Variants in FGF14 observed in about 807,000 individuals in gnomAD.
FGF14 encodes the protein fibroblast growth factor 14, also known as fibroblast growth factor homologous factor 4.
A neutral mutation model predicts 25.5 loss-of-function variants in FGF14; 5 were observed. The observed-to-expected ratio is 0.20, with a 90% CI of 0.10 to 0.41. The LOEUF is 0.41. Among genes scored for constraint, FGF14 ranks in the 10% least tolerant of loss-of-function variants. FGF14 has a pLI of 1.00. For synonymous variants in FGF14, 138 were observed against 118.3 expected, an observed-to-expected ratio of 1.17 and a Z score of -1.08; for missense variants, 222 against 320.1, an observed-to-expected ratio of 0.69 and a Z score of 2.34.
intron 1 of FGF14, among the ~76,000 whole-genome samples, chr13:101,939,863 G>GA (rs1454925355): frequency 6.6e-6 from 1 of 152,140 alleles, no homozygotes; most frequent in Non-Finnish European, 1.5e-5. Flanking sequence ...GCTTTAGAAA[G>GA]AAATAGCATG....
At chr13:101,799,207 T>C (rs1566916067) in intron 3 of FGF14, among the ~76,000 whole-genome samples, 1 of 152,234 alleles carries the variant, frequency 6.6e-6, no homozygotes, top group South Asian at 2.1e-4. Context: ...AGACTTTTTT[T>C]CTCCCTGTCT....
At chr13:102,110,671 T>A (rs975379710) in intron 1 of FGF14, among the ~76,000 whole-genome samples, 4 of 152,186 alleles carry the variant, frequency 2.6e-5, no homozygotes, top group South Asian at 2.1e-4. Context: ...GATTTCTCAA[T>A]GTCTGTCATA....
At chr13:102,002,968 T>G (rs1014642807) in intron 1 of FGF14, 3 of 152,176 alleles carry the variant, frequency 2.0e-5, no homozygotes, top group African/African-American at 7.2e-5. Context: ...AACCCAACAC[T>G]GCTTCCTGAA....
chr13:102,085,657 C>T (rs1328968934), intron 1 of FGF14, among the ~76,000 whole-genome samples: 1 of 152,140 alleles, frequency 6.6e-6, no homozygotes. Flanking sequence ...GAGTTAATAA[C>T]TTATTTTTAT....
chr13:101,793,630 T>C (rs552951690), intron 3 of FGF14, among the ~76,000 whole-genome samples: 1 of 152,160 alleles, frequency 6.6e-6, no homozygotes, highest in South Asian at 2.1e-4. Context: ...GCAATTCTAT[T>C]TTTAGTTATT....
At chr13:101,882,749 A>G (rs771139792) in intron 1 of FGF14, among the ~76,000 whole-genome samples, 13 of 152,244 alleles carry the variant, frequency 8.5e-5, no homozygotes, top group Middle Eastern at 3.4e-3. Flanking sequence ...GTCTGTTCAT[A>G]TCTAGAACTA....
chr13:101,913,505 T>TA (rs398117834), intron 1 of FGF14, among the ~76,000 whole-genome samples: 5 of 151,944 alleles, frequency 3.3e-5, no homozygotes, highest in Non-Finnish European at 1.5e-5. Flanking sequence ...AAGGATTTTT[T>TA]AAAACCCTAC....
chr13:102,166,680 T>C (rs759566695), intron 1 of FGF14, among the ~76,000 whole-genome samples: 14 of 152,172 alleles, frequency 9.2e-5, no homozygotes, highest in Non-Finnish European at 1.9e-4. Context: ...GGGTTTGATA[T>C]GTTTCATTCA....
At chr13:102,287,348 AC>A (rs55797124) in intron 1 of FGF14, among the ~76,000 whole-genome samples, 15,520 of 152,184 alleles carry the variant, frequency 0.1, 1,020 homozygotes, top group Middle Eastern at 0.2. Context: ...TAGCAAAGCC[AC>A]CTTAGTTTAT....
At chr13:102,131,915 A>G (rs1322777843) in intron 1 of FGF14, among the ~76,000 whole-genome samples, 8 of 152,218 alleles carry the variant, frequency 5.3e-5, no homozygotes. Context: ...AATATTACCA[A>G]CTGTGACTAA....
At chr13:102,161,641 A>C (rs1294262136) in intron 1 of FGF14, among the ~76,000 whole-genome samples, 17 of 14,686 alleles carry the variant, frequency 1.2e-3, no homozygotes, top group East Asian at 0.011. Flanking sequence ...GAAGAAGAAG[A>C]AGAAGAAGAA....
chr13:101,848,775 C>T (rs1413933896), intron 3 of FGF14, among the ~76,000 whole-genome samples: 1 of 151,844 alleles, frequency 6.6e-6, no homozygotes, highest in African/African-American at 2.4e-5. Context: ...ATTACTGACC[C>T]TTGATGAAGG....
At chr13:101,831,340 C>A (rs1424272975) in intron 3 of FGF14, among the ~76,000 whole-genome samples, 1 of 151,936 alleles carries the variant, frequency 6.6e-6, no homozygotes, top group African/African-American at 2.4e-5. Flanking sequence ...CCTTGGCCTC[C>A]CAAAGTGCTG....
At chr13:101,922,377 A>T (rs1025627471) in intron 1 of FGF14, among the ~76,000 whole-genome samples, 2 of 152,154 alleles carry the variant, frequency 1.3e-5, no homozygotes, top group African/African-American at 4.8e-5. Context: ...TGAGTTCTGA[A>T]TTTCAACAGT....
At chr13:101,930,512 AT>A in intron 1 of FGF14, among the ~76,000 whole-genome samples, 1 of 152,184 alleles carries the variant, frequency 6.6e-6, no homozygotes, top group South Asian at 2.1e-4. Context: ...AACATTCCTT[AT>A]GTGGTTACAC....
At chr13:101,848,335 C>T (rs1338306586) in intron 3 of FGF14, among the ~76,000 whole-genome samples, 2 of 151,906 alleles carry the variant, frequency 1.3e-5, no homozygotes, top group South Asian at 2.1e-4. Flanking sequence ...ATCTTATATA[C>T]CATCAGAATT....
At chr13:102,325,454 C>T (rs2056393545) in intron 1 of FGF14, among the ~76,000 whole-genome samples, 1 of 152,110 alleles carries the variant, frequency 6.6e-6, no homozygotes, top group Non-Finnish European at 1.5e-5. Flanking sequence ...TTGGGTCTTA[C>T]CACACCCTCT....
chr13:101,805,093 G>T (rs1226631747), intron 3 of FGF14, among the ~76,000 whole-genome samples: 1 of 152,108 alleles, frequency 6.6e-6, no homozygotes, highest in Non-Finnish European at 1.5e-5. Context: ...ATGACTATAA[G>T]CAGGTGATAT....
chr13:102,071,038 A>G (rs1193662585), intron 1 of FGF14, among the ~76,000 whole-genome samples: 4 of 152,222 alleles, frequency 2.6e-5, no homozygotes, highest in African/African-American at 9.6e-5. Context: ...CTGCCATCCT[A>G]TAACTTTAGC....
Sources: allele counts gnomAD v4.1 joint callset (sites outside exome capture counted in the v4.1 genomes callset), GRCh38; gene constraint gnomAD v4.1.1; transcripts MANE v1.5; gene names NCBI Gene and HGNC (gene_info 2026-07-23, HGNC 2026-07-21).